FRMD5: variants seen among roughly 807,000 people sequenced by gnomAD.
The protein encoded by FRMD5 is FERM domain-containing protein 5.
FRMD5 carries 20 observed loss-of-function variants against 69.0 expected under a neutral mutation model. The ratio of observed to expected loss-of-function variants is 0.29; its 90% CI spans 0.20 to 0.42. The LOEUF is 0.42. FRMD5 is among the 10% of genes least tolerant of loss of function. FRMD5 has a pLI of 1.00. For synonymous variants in FRMD5, 271 were observed against 260.1 expected, an observed-to-expected ratio of 1.04 and a Z score of -0.40; for missense variants, 595 against 708.6, an observed-to-expected ratio of 0.84 and a Z score of 1.82.
chr15:43,915,680 T>C (rs925340750), intron 4 of FRMD5, among the ~76,000 whole-genome samples: 4 of 152,134 alleles, frequency 2.6e-5, no homozygotes, highest in Admixed American at 2.0e-4. Flanking sequence ...ACAAAAGAAA[T>C]TAATCAGGAT....
chr15:43,994,855 T>A (rs1244263325), intron 1 of FRMD5, among the ~76,000 whole-genome samples: 1 of 152,242 alleles, frequency 6.6e-6, no homozygotes, highest in Non-Finnish European at 1.5e-5. Context: ...GTTTGTATGT[T>A]TTAATGTTTA....
intron 5 of FRMD5, among the ~76,000 whole-genome samples, chr15:43,907,969 A>G (rs2140414401): frequency 6.6e-6 from 1 of 152,286 alleles, no homozygotes; most frequent in African/African-American, 2.4e-5. Context: ...TTTTATTTAG[A>G]AAGTTCCAAA....
At chr15:43,884,657 C>G in intron 12 of FRMD5, 70 bp downstream of exon 12, 1 of 1,454,196 alleles carries the variant, frequency 6.9e-7, no homozygotes, top group South Asian at 1.2e-5. Flanking sequence ...CTTCACAGTA[C>G]TCAAACTGCT....
chr15:43,991,406 C>T (rs1269456647), intron 1 of FRMD5, among the ~76,000 whole-genome samples: 1 of 152,188 alleles, frequency 6.6e-6, no homozygotes, highest in Non-Finnish European at 1.5e-5. Context: ...TCGGTGCATC[C>T]ATACACATGA....
At chr15:43,882,821 T>C (rs2088567311) in intron 13 of FRMD5, among the ~76,000 whole-genome samples, 1 of 151,470 alleles carries the variant, frequency 6.6e-6, no homozygotes, top group South Asian at 2.1e-4. Flanking sequence ...TTTTTTTTCT[T>C]GAGACAGAGT....
chr15:44,108,536 T>A lies in FRMD5; in HGVS notation c.102+86417A>T, dbSNP rs2140567803. 3.3e-5 allele frequency among the ~76,000 whole-genome samples: 5 copies of A among 152,076 alleles called. 1 individual carries two copies. In the Middle Eastern group the frequency reaches 0.01, roughly 310 times the overall value. On this transcript the variant is annotated intron_variant, in intron 1 of 13. Transcript: ENST00000417257. ...GGTGCATGCCTGGAATCCCAACTAC[T>A]CAGGAGGCTGAGGCAGGAGAATTGC...
chr15:44,032,702 A>G (rs181340241), intron 1 of FRMD5, among the ~76,000 whole-genome samples: 2 of 152,320 alleles, frequency 1.3e-5, no homozygotes, highest in Non-Finnish European at 2.9e-5. Flanking sequence ...TCAAAATATA[A>G]CAGATACTTG....
chr15:44,059,113 T>C (rs923170230), intron 1 of FRMD5, among the ~76,000 whole-genome samples: 1 of 152,164 alleles, frequency 6.6e-6, no homozygotes, highest in Non-Finnish European at 1.5e-5. Context: ...AACCCTCAAC[T>C]AGCATCAATC....
In FRMD5 at chr15:43,874,041, CAGG is replaced by C. The variant is rs1368917197; in HGVS notation, c.1554_1556del (p.Leu519del). 1.9e-6 allele frequency: 3 copies of C among 1,614,200 alleles called. No homozygotes were observed. Among genetic ancestry groups the C allele is most frequent in the Non-Finnish European group, 2.5e-6 (3 of 1,180,046 alleles). ...CAAGGTCAGACTCGGTAAGGATGAT[CAGG>C]AGGAGGAGCAAAACAAAGAGGAGTC... On this transcript the variant is annotated inframe_deletion, in exon 14 of 14. Transcript: ENST00000417257.
intron 1 of FRMD5, among the ~76,000 whole-genome samples, chr15:43,951,264 C>T (rs912345162): frequency 2.0e-5 from 3 of 151,048 alleles, no homozygotes; most frequent in Admixed American, 2.0e-4. Flanking sequence ...ACTGAAAATA[C>T]AAAAAAAATT....
chr15:43,988,901 C>G (rs1403848641), intron 1 of FRMD5, among the ~76,000 whole-genome samples: 1 of 152,160 alleles, frequency 6.6e-6, no homozygotes, highest in African/African-American at 2.4e-5. Flanking sequence ...TCACTCCAAC[C>G]AACTGCTGTC....
In FRMD5 at chr15:43,874,183, A is replaced by T; in HGVS notation, c.1415T>A (p.Val472Glu). 4 of 1,614,094 alleles carry T rather than the reference A, an allele frequency of 2.5e-6. No homozygotes were observed. Among genetic ancestry groups the T allele is most frequent in the Non-Finnish European group, 3.4e-6 (4 of 1,179,988 alleles). ...CCTCAGCTCTCCCCCAAGGGCCTCC[A>T]CCTCTGTAGCAGTTGGGGTGCTGGC... ...SEASTPTATE[V>E]EALGGELRAL... Residue 472 changes from valine to glutamate, a missense_variant, in exon 14 of 14, where the codon GTG becomes GAG. This residue lies in a region of FRMD5 where 245 missense variants were observed against 227.1 expected (regional missense o/e 1.08). Transcript: ENST00000417257.
intron 1 of FRMD5, among the ~76,000 whole-genome samples, chr15:44,009,276 A>G (rs1890604898): frequency 6.6e-6 from 1 of 152,222 alleles, no homozygotes; most frequent in Admixed American, 6.5e-5. Flanking sequence ...CAGAGAGGTA[A>G]TAAGACTTGC....
chr15:43,926,026 C>T (rs1393968832), intron 1 of FRMD5, among the ~76,000 whole-genome samples: 1 of 152,184 alleles, frequency 6.6e-6, no homozygotes, highest in Admixed American at 6.5e-5. Context: ...GGTCAGAATC[C>T]TTCCCCCAGA....
At chr15:43,968,666 T>C (rs1038597694) in intron 1 of FRMD5, among the ~76,000 whole-genome samples, 2 of 152,222 alleles carry the variant, frequency 1.3e-5, no homozygotes, top group Non-Finnish European at 2.9e-5. Context: ...TGTATGAACG[T>C]GTATGGAATA....
At chr15:44,027,651 G>T (rs28454902) in intron 1 of FRMD5, among the ~76,000 whole-genome samples, 34,047 of 73,156 alleles carry the variant, frequency 0.47, 5,183 homozygotes, top group South Asian at 0.62. Context: ...TTTTTTTTTT[G>T]TTTTTTTTTT....
chr15:44,122,314 G>A (rs374226023), intron 1 of FRMD5, among the ~76,000 whole-genome samples: 2 of 152,124 alleles, frequency 1.3e-5, no homozygotes, highest in South Asian at 2.1e-4. Flanking sequence ...CTGTAATCCA[G>A]CACTTTGGGA....
At chr15:44,039,301 C>T (rs1299753061) in intron 1 of FRMD5, among the ~76,000 whole-genome samples, 1 of 152,202 alleles carries the variant, frequency 6.6e-6, no homozygotes, top group Non-Finnish European at 1.5e-5. Flanking sequence ...GCAGATCTCC[C>T]AGCACAGCAT....
intron 1 of FRMD5, among the ~76,000 whole-genome samples, chr15:44,030,590 A>G (rs1161479411): frequency 6.6e-6 from 1 of 152,178 alleles, no homozygotes; most frequent in Non-Finnish European, 1.5e-5. Flanking sequence ...CTATGCTAGG[A>G]AAAAGCAAGT....
Sources: gnomAD v4.1 joint callset for allele counts (sites outside exome capture counted in the v4.1 genomes callset) on GRCh38, gnomAD v4.1.1 for gene constraint, gnomAD v4.1.1 regional missense constraint, MANE v1.5 for transcripts, NCBI Gene and HGNC (gene_info 2026-07-23, HGNC 2026-07-21) for gene names.